Variants in ZDHHC15 observed in about 807,000 individuals in gnomAD.
The protein encoded by ZDHHC15 is palmitoyltransferase ZDHHC15.
A neutral mutation model predicts 31.7 loss-of-function variants in ZDHHC15; 19 were observed. The ratio of observed to expected loss-of-function variants is 0.60; its 90% CI spans 0.42 to 0.88. ZDHHC15 has a LOEUF of 0.88. ZDHHC15 is among the 40% of genes least tolerant of loss of function. The pLI, the probability that ZDHHC15 is intolerant of heterozygous loss-of-function variation, is 0.00. For missense variants in ZDHHC15, 209 were observed against 251.2 expected, an observed-to-expected ratio of 0.83 and a Z score of 1.14; for synonymous variants, 103 against 90.0, an observed-to-expected ratio of 1.14 and a Z score of -0.82.
intron 1 of ZDHHC15, among the ~76,000 whole-genome samples, chrX:75,518,007 A>T (rs182980541): frequency 9.0e-6 from 1 of 110,607 alleles, no homozygotes; most frequent in Non-Finnish European, 1.9e-5. Flanking sequence ...CAAACAAACA[A>T]AAAACCAAAA....
chrX:75,413,160 T>G (rs1355497760), intron 10 of ZDHHC15, among the ~76,000 whole-genome samples: 6 of 112,452 alleles, frequency 5.3e-5, no homozygotes, highest in Admixed American at 1.9e-4. Flanking sequence ...AATATCATGT[T>G]GTACATCTTA....
intron 10 of ZDHHC15, among the ~76,000 whole-genome samples, chrX:75,379,927 C>T (rs1389827650): frequency 8.0e-5 from 1 of 12,497 alleles, no homozygotes; most frequent in African/African-American, 9.6e-5. Flanking sequence ...ATCCTTGCCA[C>T]AGAAGGCTGC....
chrX:75,515,107 C>G (rs1411103669), intron 1 of ZDHHC15, among the ~76,000 whole-genome samples: 1 of 110,811 alleles, frequency 9.0e-6, no homozygotes, highest in Non-Finnish European at 1.9e-5. Flanking sequence ...AAAAAAAGTC[C>G]AGGACCAGAT....
rs536771554 is a variant in ZDHHC15 at position 75,427,667 on chromosome X, T to A, written c.603+1411A>T. On this transcript the variant is annotated intron_variant, in intron 7 of 11. Coordinates refer to ENST00000373367, the MANE Select transcript of ZDHHC15 (RefSeq NM_144969.3). ...CTCAGTATGTGGATTTTATAATATA[T>A]TTTAAAATTATTGTAACTTAATAAT... Among the ~76,000 whole-genome samples, 30 of 111,095 alleles carry A rather than the reference T, an allele frequency of 2.7e-4. No individual in the cohort carries two copies. The Admixed American group carries it at 2.9e-3, about 11-fold the overall frequency.
At chrX:75,453,623 G>A (rs2084163484) in intron 3 of ZDHHC15, among the ~76,000 whole-genome samples, 1 of 111,006 alleles carries the variant, frequency 9.0e-6, no homozygotes, top group African/African-American at 3.3e-5. Context: ...GATGAATATC[G>A]ATGTGAAAAT....
intron 3 of ZDHHC15, among the ~76,000 whole-genome samples, chrX:75,472,605 T>C (rs1416582265): frequency 9.0e-6 from 1 of 111,648 alleles, no homozygotes; most frequent in African/African-American, 3.3e-5. Context: ...CCCATGTGAG[T>C]GGTGACCAAC....
chrX:75,408,213 T>TAA (rs143820906), intron 10 of ZDHHC15, among the ~76,000 whole-genome samples: 54 of 102,415 alleles, frequency 5.3e-4, no homozygotes, highest in Middle Eastern at 4.9e-3. Context: ...CAATAAATAC[T>TAA]AAAAAAAAAT....
intron 10 of ZDHHC15, among the ~76,000 whole-genome samples, chrX:75,412,931 C>A (rs868847320): frequency 9.0e-6 from 1 of 110,959 alleles, no homozygotes; most frequent in South Asian, 3.8e-4. Flanking sequence ...GAAATGTAGG[C>A]CAAAGTGTAC....
chrX:75,514,380 G>T (rs1461062813), intron 1 of ZDHHC15, among the ~76,000 whole-genome samples: 1 of 112,132 alleles, frequency 8.9e-6, no homozygotes, highest in African/African-American at 3.2e-5. Context: ...TAAACGGCTG[G>T]GTTTTGTATA....
intron 1 of ZDHHC15, among the ~76,000 whole-genome samples, chrX:75,516,463 C>A (rs1280916351): frequency 8.9e-6 from 1 of 112,263 alleles, no homozygotes; most frequent in Non-Finnish European, 1.9e-5. Context: ...TTTGTCAAAC[C>A]TGACAAAAAC....
chrX:75,497,203 A>G (rs964341026), intron 2 of ZDHHC15, among the ~76,000 whole-genome samples: 1 of 111,689 alleles, frequency 9.0e-6, no homozygotes, highest in Non-Finnish European at 1.9e-5. Context: ...GCTACTATGA[A>G]TACCTTCAAG....
chrX:75,390,005 T>C (rs2083223654), intron 10 of ZDHHC15, among the ~76,000 whole-genome samples: 1 of 111,099 alleles, frequency 9.0e-6, no homozygotes, highest in Non-Finnish European at 1.9e-5. Context: ...GAGTCCCAGA[T>C]CGGACAGGAT....
intron 10 of ZDHHC15, among the ~76,000 whole-genome samples, chrX:75,383,199 A>G (rs2083135269): frequency 8.9e-6 from 1 of 112,187 alleles, no homozygotes; most frequent in Admixed American, 9.5e-5. Context: ...CATCTACAAA[A>G]TGGGGTTATT....
chrX:75,471,355 A>T (rs1486182350), intron 3 of ZDHHC15, among the ~76,000 whole-genome samples: 2 of 112,365 alleles, frequency 1.8e-5, no homozygotes, highest in African/African-American at 6.5e-5. Context: ...CATTGATGAC[A>T]TTATGCTGAT....
At chrX:75,499,346 C>A (rs1479019179) in intron 2 of ZDHHC15, among the ~76,000 whole-genome samples, 3 of 111,718 alleles carry the variant, frequency 2.7e-5, no homozygotes, top group Non-Finnish European at 5.6e-5. Flanking sequence ...AGAAAATCTA[C>A]AGAATGGGAA....
chrX:75,454,955 T>C (rs1239260518), intron 3 of ZDHHC15, among the ~76,000 whole-genome samples: 3 of 111,169 alleles, frequency 2.7e-5, no homozygotes, highest in Non-Finnish European at 5.7e-5. Context: ...AGGTAATTTA[T>C]AGATTCAATG....
intron 2 of ZDHHC15, 29 bp downstream of exon 2, chrX:75,505,791 TG>T: frequency 1.7e-6 from 2 of 1,207,758 alleles, no homozygotes; most frequent in East Asian, 5.9e-5. Context: ...GACACGGTCC[TG>T]ATCAATACAA....
At chrX:75,445,004 C>A (rs1191428656) in intron 4 of ZDHHC15, among the ~76,000 whole-genome samples, 2 of 109,236 alleles carry the variant, frequency 1.8e-5, no homozygotes, top group Non-Finnish European at 3.8e-5. Flanking sequence ...CATTGTTTCT[C>A]CTAGTGCTTA....
intron 3 of ZDHHC15, among the ~76,000 whole-genome samples, chrX:75,478,474 C>G (rs1426584037): frequency 9.0e-6 from 1 of 111,429 alleles, no homozygotes; most frequent in South Asian, 3.8e-4. Flanking sequence ...CCTCAAACTC[C>G]TGGGTTTAAG....
Sources: allele counts gnomAD v4.1 joint callset (sites outside exome capture counted in the v4.1 genomes callset), GRCh38; gene constraint gnomAD v4.1.1; transcripts MANE v1.5; gene names NCBI Gene and HGNC (gene_info 2026-07-23, HGNC 2026-07-21).